GALNTL6: variants seen among roughly 807,000 people sequenced by gnomAD.
GALNTL6 encodes the protein polypeptide N-acetylgalactosaminyltransferase-like 6.
GALNTL6 carries 46 observed loss-of-function variants against 73.7 expected under a neutral mutation model. The ratio of observed to expected loss-of-function variants is 0.62; its 90% CI spans 0.49 to 0.80. The LOEUF (loss-of-function observed/expected upper bound fraction) is 0.80. GALNTL6 is among the 30% of genes least tolerant of loss of function. GALNTL6 has a pLI of 0.00. For synonymous variants in GALNTL6, 259 were observed against 263.7 expected (o/e 0.98, Z 0.17); for missense variants, 604 against 755.0 (o/e 0.80, Z 2.34).
intron 5 of GALNTL6, among the ~76,000 whole-genome samples, chr4:172,442,889 A>G (rs897114432): frequency 2.6e-5 from 4 of 151,912 alleles, no homozygotes; most frequent in Non-Finnish European, 4.4e-5. Context: ...CATTAAAGCA[A>G]ATAGAGATGA....
At chr4:172,335,409 C>T (rs543963197) in intron 4 of GALNTL6, among the ~76,000 whole-genome samples, 31 of 152,236 alleles carry the variant, frequency 2.0e-4, no homozygotes, top group African/African-American at 7.5e-4. Flanking sequence ...TGTCTTTATT[C>T]ATTGTGTCTT....
At chr4:171,931,217 T>C (rs1450921577) in intron 2 of GALNTL6, among the ~76,000 whole-genome samples, 6 of 152,196 alleles carry the variant, frequency 3.9e-5, no homozygotes, top group Admixed American at 3.3e-4. Flanking sequence ...GGCCTCATTC[T>C]GTTGCCCAAG....
chr4:172,409,795 A>C (rs335982), intron 5 of GALNTL6, among the ~76,000 whole-genome samples: 137,225 of 151,980 alleles, frequency 0.9, 62,026 homozygotes, highest in African/African-American at 0.96. Flanking sequence ...GCAGGCATCA[A>C]CATCCTTTGT....
At chr4:171,864,845 A>C (rs2110884811) in intron 2 of GALNTL6, among the ~76,000 whole-genome samples, 1 of 152,322 alleles carries the variant, frequency 6.6e-6, no homozygotes, top group South Asian at 2.1e-4. Context: ...TATGCTGAAA[A>C]AAATATTTTA....
intron 2 of GALNTL6, among the ~76,000 whole-genome samples, chr4:172,051,226 T>C (rs980357227): frequency 2.6e-5 from 4 of 151,966 alleles, no homozygotes; most frequent in African/African-American, 9.7e-5. Flanking sequence ...GGTGAGTGCT[T>C]TGGGGCTCCA....
chr4:171,927,275 GTT>G (rs765666218), intron 2 of GALNTL6, among the ~76,000 whole-genome samples: 21 of 152,098 alleles, frequency 1.4e-4, no homozygotes, highest in Non-Finnish European at 2.2e-4. Flanking sequence ...AAATTATATT[GTT>G]GGTGCTTTAC....
intron 2 of GALNTL6, among the ~76,000 whole-genome samples, chr4:171,935,070 T>A (rs545227268): frequency 2.0e-5 from 3 of 152,024 alleles, no homozygotes; most frequent in African/African-American, 7.2e-5. Context: ...ACTGTATCAC[T>A]TTTTTTTGCA....
intron 2 of GALNTL6, among the ~76,000 whole-genome samples, chr4:171,854,612 A>G (rs1041234941): frequency 1.3e-5 from 2 of 152,200 alleles, no homozygotes; most frequent in Non-Finnish European, 2.9e-5. Context: ...ACTAGATTAC[A>G]TATAAACAAC....
intron 2 of GALNTL6, among the ~76,000 whole-genome samples, chr4:171,956,160 C>T (rs28546731): frequency 0.019 from 2,865 of 151,970 alleles, 89 homozygotes; most frequent in African/African-American, 0.066. Flanking sequence ...CGCCACCACA[C>T]CTGGCTAATT....
chr4:172,759,912 C>A (rs1737977879), intron 5 of GALNTL6, among the ~76,000 whole-genome samples: 1 of 141,542 alleles, frequency 7.1e-6, no homozygotes, highest in African/African-American at 2.7e-5. Context: ...TCTCGGCTCA[C>A]TGCAAGCTCT....
chr4:172,229,607 C>G, intron 2 of GALNTL6, 49 bp from the exon 3 acceptor site: 1 of 1,179,364 alleles, frequency 8.5e-7, no homozygotes. Flanking sequence ...ACCTACCATG[C>G]AAAAGGAAAT....
chr4:172,352,817 C>T (rs559341246), intron 5 of GALNTL6, among the ~76,000 whole-genome samples: 24 of 152,058 alleles, frequency 1.6e-4, no homozygotes, highest in Non-Finnish European at 2.8e-4. Context: ...CTGCTTGTTT[C>T]AAAGTTCCTG....
rs536993522 is a variant in GALNTL6, at chr4:172,246,281, A to G, written c.247+16517A>G. Reference sequence around the variant, plus strand: ...TTTATTATTGGACTAGAATGACTAGATTAATTTAATAGACATTTACCTAGA... The same window carrying G: ...TTTATTATTGGACTAGAATGACTAGGTTAATTTAATAGACATTTACCTAGA... On this transcript the variant is annotated intron_variant, in intron 3 of 12. Coordinates refer to ENST00000506823, the MANE Select transcript of GALNTL6 (RefSeq NM_001034845.3). Among the ~76,000 whole-genome samples, 4 of 152,278 alleles carry G rather than the reference A, an allele frequency of 2.6e-5. No individual in the cohort carries two copies. The South Asian group carries it at 6.2e-4, about 24-fold the overall frequency.
At chr4:172,625,510 G>A (rs1739132761) in intron 5 of GALNTL6, among the ~76,000 whole-genome samples, 1 of 152,000 alleles carries the variant, frequency 6.6e-6, no homozygotes, top group Non-Finnish European at 1.5e-5. Flanking sequence ...CTTTTCAGTA[G>A]AATGATTTAT....
At chr4:172,285,757 T>A (rs1739223181) in intron 3 of GALNTL6, among the ~76,000 whole-genome samples, 1 of 152,188 alleles carries the variant, frequency 6.6e-6, no homozygotes, top group Non-Finnish European at 1.5e-5. Context: ...TACAAATCTA[T>A]TCCTTTTCCT....
intron 5 of GALNTL6, among the ~76,000 whole-genome samples, chr4:172,716,399 T>C (rs1735093724): frequency 6.6e-6 from 1 of 152,170 alleles, no homozygotes; most frequent in Non-Finnish European, 1.5e-5. Context: ...GTTCAGCTGA[T>C]AGGTTTTATA....
chr4:172,349,528 T>C (rs1423232162), intron 5 of GALNTL6, among the ~76,000 whole-genome samples: 2 of 152,142 alleles, frequency 1.3e-5, no homozygotes, highest in Non-Finnish European at 2.9e-5. Flanking sequence ...GGAAATGTTA[T>C]TTGTCACAGA....
chr4:172,429,892 G>GAA (rs1731375460), intron 5 of GALNTL6, among the ~76,000 whole-genome samples: 5 of 152,002 alleles, frequency 3.3e-5, no homozygotes, highest in African/African-American at 1.2e-4. Context: ...TACTGCAAAT[G>GAA]GGTTAGATGG....
intron 2 of GALNTL6, among the ~76,000 whole-genome samples, chr4:172,218,169 C>G (rs1381943133): frequency 6.6e-6 from 1 of 152,116 alleles, no homozygotes; most frequent in South Asian, 2.1e-4. Context: ...AGTTTCCTCT[C>G]TTTGCCCATC....
Sources: allele counts gnomAD v4.1 joint callset (sites outside exome capture counted in the v4.1 genomes callset), GRCh38; gene constraint gnomAD v4.1.1; transcripts MANE v1.5; gene names NCBI Gene and HGNC (gene_info 2026-07-23, HGNC 2026-07-21).